Variants in SCFD1 observed in about 807,000 individuals in gnomAD.
The protein encoded by SCFD1 is sec1 family domain containing 1.
In SCFD1, 37 loss-of-function variants were observed where a neutral mutation model predicts 103.2. That is an observed-to-expected ratio of 0.36 (90% CI 0.28 to 0.47). The LOEUF is 0.47. Among genes scored for constraint, SCFD1 ranks in the 20% least tolerant of loss-of-function variants. SCFD1 has a pLI of 1.00. For synonymous variants in SCFD1, 264 were observed against 245.0 expected (o/e 1.08, Z -0.73); for missense variants, 639 against 761.2 (o/e 0.84, Z 1.89).
chr14:30,683,111 G>T, intron 14 of SCFD1: 4 of 1,281,760 alleles, frequency 3.1e-6, no homozygotes, highest in Non-Finnish European at 4.5e-6. Flanking sequence ...AAGCTGTGGG[G>T]TTTTTCCAGG....
chr14:30,678,348 G>A (rs578041360), intron 14 of SCFD1, among the ~76,000 whole-genome samples: 1 of 152,262 alleles, frequency 6.6e-6, no homozygotes, highest in South Asian at 2.1e-4. Context: ...GAAAATTAGA[G>A]CACACCAGTT....
chr14:30,707,415 C>T (rs543209958), intron 18 of SCFD1, among the ~76,000 whole-genome samples: 11 of 152,196 alleles, frequency 7.2e-5, no homozygotes, highest in Admixed American at 1.3e-4. Flanking sequence ...AGGCAAAATT[C>T]GCTAAGTCTG....
At chr14:30,719,135 A>G (rs1227913542) in intron 20 of SCFD1, among the ~76,000 whole-genome samples, 190 bp from the exon 21 acceptor site, 2 of 152,214 alleles carry the variant, frequency 1.3e-5, no homozygotes, top group Non-Finnish European at 2.9e-5. Context: ...GACCATTATT[A>G]GGATTGAGTA....
In SCFD1 at chr14:30,643,351, G is replaced by A. The variant is rs749739320; in HGVS notation, c.559G>A (p.Glu187Lys). 6.2e-7 allele frequency: 1 copy of A among 1,613,770 alleles called. No homozygotes were observed. The highest frequency in any genetic ancestry group is 8.5e-7 in the Non-Finnish European group (1 of 1,179,774). The change falls in exon 7 of 25, where the codon GAA becomes AAA. Residue 187 changes from glutamate to lysine, a missense_variant. By Grantham distance (56) the Glu-to-Lys change is moderately conservative. Coordinates refer to ENST00000458591, the MANE Select transcript of SCFD1 (RefSeq NM_016106.4). ...GCCAGATATCACAGACACGGAAATG[G>A]AAACTGTTATGGACACTATAGTTGA... ...NRPDITDTEM[E>K]TVMDTIVDSL...
intron 3 of SCFD1, among the ~76,000 whole-genome samples, chr14:30,632,046 G>GAAAAAAAAAAAAAAAAAAAAAAA (rs61645782): frequency 2.8e-5 from 2 of 70,266 alleles, no homozygotes; most frequent in Non-Finnish European, 5.3e-5. Context: ...AGATTCTGTT[G>GAAAAAAAAAAAAAAAAAAAAAAA]AAAAAAAAAA....
chr14:30,715,718 C>G (rs1892233568), intron 19 of SCFD1: 1 of 453,898 alleles, frequency 2.2e-6, no homozygotes, highest in Non-Finnish European at 3.9e-6. Flanking sequence ...AAGCATTTTA[C>G]TTAGAATTAT....
rs768448920 is a variant in SCFD1, at chr14:30,638,074, A to G, written c.313-51A>G. ...GCCTTATAGTAGTTGAAACATATGT[A>G]TTCATGGTCTTCTTTATCCTATAAG... is the stretch of plus-strand genomic sequence containing the variant. On this transcript the variant is annotated intron_variant, in intron 4 of 24. Transcript: ENST00000458591. 22 of 1,498,298 alleles carry G rather than the reference A, an allele frequency of 1.5e-5. No individual in the cohort carries two copies. The African/African-American group carries it at 2.0e-4, about 14-fold the overall frequency. 92.8% of individuals were successfully genotyped at this position (1,498,298 alleles called of 1,614,324 possible).
chr14:30,708,066 G>A lies in SCFD1; in HGVS notation c.1629+1G>A. ...GAAGAACCTGGTTTTGAAACAGCAAGTAAGTACACTTGTTAGAAAACATAC... is the reference window on the plus strand; with the variant it reads ...GAAGAACCTGGTTTTGAAACAGCAAATAAGTACACTTGTTAGAAAACATAC... On this transcript the variant is annotated splice_donor_variant, in intron 19 of 24. Coordinates refer to ENST00000458591, the MANE Select transcript of SCFD1 (RefSeq NM_016106.4). LOFTEE classifies it high-confidence loss of function. The A allele has an allele frequency of 6.3e-7, 1 of 1,590,400 alleles. No homozygotes were observed. The highest frequency in any genetic ancestry group is 8.6e-7 in the Non-Finnish European group (1 of 1,158,550).
intron 6 of SCFD1, 71 bp downstream of exon 6, chr14:30,639,935 A>T (rs963305472): frequency 2.7e-6 from 4 of 1,464,048 alleles, no homozygotes; most frequent in Admixed American, 2.6e-5. Flanking sequence ...AAAAAAGTGA[A>T]TATGTTTAAT....
At chr14:30,663,599 C>T (rs1005591951) in intron 10 of SCFD1, among the ~76,000 whole-genome samples, 2 of 152,128 alleles carry the variant, frequency 1.3e-5, no homozygotes, top group Admixed American at 6.6e-5. Context: ...GTCATTCCAA[C>T]CATTTATTGT....
At chr14:30,677,030 A>G (rs11846293) in intron 14 of SCFD1, among the ~76,000 whole-genome samples, 49,447 of 152,126 alleles carry the variant, frequency 0.33, 9,125 homozygotes, top group East Asian at 0.62. Flanking sequence ...ATTCTACTTG[A>G]AGACCTCTTG....
intron 10 of SCFD1, among the ~76,000 whole-genome samples, chr14:30,661,963 T>C (rs1887493980): frequency 6.6e-6 from 1 of 152,208 alleles, no homozygotes; most frequent in Non-Finnish European, 1.5e-5. Context: ...CTTAGAATTC[T>C]ATCTTCTGTT....
At chr14:30,656,825 G>A (rs1242346795) in intron 10 of SCFD1, among the ~76,000 whole-genome samples, 1 of 152,144 alleles carries the variant, frequency 6.6e-6, no homozygotes, top group Non-Finnish European at 1.5e-5. Flanking sequence ...AACAGGGAAA[G>A]TTTAGAGAGG....
intron 23 of SCFD1, among the ~76,000 whole-genome samples, chr14:30,727,685 G>T (rs1893145682): frequency 6.6e-6 from 1 of 151,950 alleles, no homozygotes; most frequent in Non-Finnish European, 1.5e-5. Flanking sequence ...TGAGAGTAAA[G>T]ACTTTTCCTC....
intron 16 of SCFD1, among the ~76,000 whole-genome samples, chr14:30,701,919 G>A (rs1891108465): frequency 6.6e-6 from 1 of 152,154 alleles, no homozygotes; most frequent in African/African-American, 2.4e-5. Context: ...CCCTCAGTTG[G>A]TGTCATTCCT....
chr14:30,723,927 G>A (rs1194231307), intron 23 of SCFD1, among the ~76,000 whole-genome samples: 2 of 152,044 alleles, frequency 1.3e-5, no homozygotes, highest in Non-Finnish European at 2.9e-5. Context: ...TAATGGGATT[G>A]CAGGGTTGAA....
At chr14:30,699,544 G>C (rs1890932369) in intron 15 of SCFD1, among the ~76,000 whole-genome samples, 1 of 152,116 alleles carries the variant, frequency 6.6e-6, no homozygotes, top group African/African-American at 2.4e-5. Context: ...ACATTACTTT[G>C]AAGTCTTATG....
At chr14:30,655,979 G>T (rs1886859282) in intron 10 of SCFD1, among the ~76,000 whole-genome samples, 1 of 151,962 alleles carries the variant, frequency 6.6e-6, no homozygotes, top group Non-Finnish European at 1.5e-5. Flanking sequence ...ATAAAAATTA[G>T]TGACTTGTGG....
chr14:30,639,644 T>A, intron 5 of SCFD1, 133 bp from the exon 6 acceptor site: 1 of 939,170 alleles, frequency 1.1e-6, no homozygotes, highest in Non-Finnish European at 1.5e-6. Flanking sequence ...TGTTACACAG[T>A]ACAATTTTTA....
Sources: allele counts gnomAD v4.1 joint callset (sites outside exome capture counted in the v4.1 genomes callset), GRCh38; gene constraint gnomAD v4.1.1; transcripts MANE v1.5; gene names NCBI Gene and HGNC (gene_info 2026-07-23, HGNC 2026-07-21).